Variants in SORCS1 observed in about 807,000 individuals in gnomAD.
The protein encoded by SORCS1 is VPS10 domain-containing receptor SorCS1.
A neutral mutation model predicts 146.1 loss-of-function variants in SORCS1; 60 were observed. The ratio of observed to expected loss-of-function variants is 0.41; its 90% CI spans 0.33 to 0.51. The LOEUF (loss-of-function observed/expected upper bound fraction) is 0.51. SORCS1 is among the 20% of genes least tolerant of loss of function. SORCS1 has a pLI of 0.21. For missense variants in SORCS1, 1,352 were observed against 1,487.6 expected (o/e 0.91, Z 1.50); for synonymous variants, 637 against 584.0 (o/e 1.09, Z -1.31).
At chr10:107,167,717 C>T (rs1043427321), upstream of SORCS1, among the ~76,000 whole-genome samples, 7 of 151,848 alleles carry the variant, frequency 4.6e-5, no homozygotes, top group Non-Finnish European at 8.8e-5. Context: ...AAAATTTAGC[C>T]TTGCTAAAAT....
In SORCS1 at chr10:106,577,469, G is replaced by A. The variant is rs751568574; in HGVS notation, c.3458C>T (p.Pro1153Leu). The A allele has an allele frequency of 3.7e-6, 6 of 1,614,012 alleles. No homozygotes were observed. Among genetic ancestry groups the A allele is most frequent in the Non-Finnish European group, 4.2e-6 (5 of 1,179,946 alleles). The change falls in exon 26 of 26, where the codon CCG (proline) becomes CTG (leucine). Residue 1153 changes from proline (P) to leucine (L), a missense_variant. This residue lies in a region of SORCS1 where 214 missense variants were observed against 204.8 expected (regional missense o/e 1.05). Transcript: ENST00000263054. ...LRLQRARHAT[P>L]PSTPKRGSAG... ...AGATCCCCGCTTTGGCGTTGAAGGC[G>A]GAGTGGCGTGTCTTGCTCTTTGCAA...
chr10:106,631,852 C>A (rs187608590), intron 18 of SORCS1, among the ~76,000 whole-genome samples: 3 of 152,242 alleles, frequency 2.0e-5, no homozygotes, highest in Admixed American at 6.5e-5. Context: ...TGGATCAAGA[C>A]CAGTTACATA....
intron 3 of SORCS1, among the ~76,000 whole-genome samples, chr10:106,777,457 T>C (rs1453064541): frequency 6.6e-6 from 1 of 152,164 alleles, no homozygotes; most frequent in African/African-American, 2.4e-5. Flanking sequence ...AATGAATAAA[T>C]GAATGCATAG....
At chr10:106,597,649 T>C (rs1282327421) in intron 23 of SORCS1, among the ~76,000 whole-genome samples, 199 bp from the exon 24 acceptor site, 2 of 152,246 alleles carry the variant, frequency 1.3e-5, no homozygotes, top group African/African-American at 4.8e-5. Flanking sequence ...CTTTACGTGC[T>C]AATTGCAACA....
intron 19 of SORCS1, among the ~76,000 whole-genome samples, chr10:106,623,023 G>T (rs999305540): frequency 6.6e-6 from 1 of 152,148 alleles, no homozygotes; most frequent in Admixed American, 6.5e-5. Context: ...GTTCCAGCAA[G>T]CCATGTCCTG....
chr10:107,173,401 G>A, the SORCS1 span, among the ~76,000 whole-genome samples: 9 of 152,230 alleles, frequency 5.9e-5, no homozygotes, highest in South Asian at 1.5e-3. Context: ...AAAAAAAGTA[G>A]GGGAAGGAGG....
At chr10:106,599,398 A>G (rs1168681692) in intron 23 of SORCS1, among the ~76,000 whole-genome samples, 1 of 150,722 alleles carries the variant, frequency 6.6e-6, no homozygotes, top group Non-Finnish European at 1.5e-5. Flanking sequence ...GAGGAGGAGA[A>G]GGAAGGGGAG....
At chr10:106,703,681 T>C (rs190171692) in intron 8 of SORCS1, among the ~76,000 whole-genome samples, 1 of 152,350 alleles carries the variant, frequency 6.6e-6, no homozygotes, top group Non-Finnish European at 1.5e-5. Context: ...TGCTGGTTTG[T>C]CTCAATTCCT....
At chr10:106,867,925 A>C (rs542943147) in intron 2 of SORCS1, among the ~76,000 whole-genome samples, 4 of 152,234 alleles carry the variant, frequency 2.6e-5, no homozygotes, top group Non-Finnish European at 5.9e-5. Flanking sequence ...AGCTGGATGA[A>C]AAAGCAAGAT....
At chr10:106,878,161 A>G (rs996165783) in intron 2 of SORCS1, among the ~76,000 whole-genome samples, 2 of 121,228 alleles carry the variant, frequency 1.6e-5, no homozygotes, top group Admixed American at 8.3e-5. Flanking sequence ...AAGAGCAGAC[A>G]GGGCTTTTTT....
intron 8 of SORCS1, among the ~76,000 whole-genome samples, chr10:106,704,881 A>G (rs1854405057): frequency 6.6e-6 from 1 of 152,166 alleles, no homozygotes. Context: ...TAGTCAATCA[A>G]AGAAACAACA....
chr10:106,989,806 C>T (rs1478402724), intron 1 of SORCS1, among the ~76,000 whole-genome samples: 2 of 150,922 alleles, frequency 1.3e-5, no homozygotes, highest in African/African-American at 4.9e-5. Context: ...CCCACCTCAG[C>T]CTCCCGAGTG....
intron 3 of SORCS1, among the ~76,000 whole-genome samples, chr10:106,802,238 T>C (rs1251039778): frequency 1.3e-5 from 2 of 152,116 alleles, no homozygotes; most frequent in Non-Finnish European, 2.9e-5. Context: ...GAAAGTATTA[T>C]GAGAGTGATA....
chr10:107,128,975 T>C (rs1186783167), intron 1 of SORCS1, among the ~76,000 whole-genome samples: 1 of 152,192 alleles, frequency 6.6e-6, no homozygotes, highest in African/African-American at 2.4e-5. Flanking sequence ...TCTGAAGTCC[T>C]TTTAAACCAA....
At chr10:106,970,202 G>A (rs4918274) in intron 1 of SORCS1, 30,244 of 152,024 alleles carry the variant, frequency 0.2, 3,581 homozygotes, top group Middle Eastern at 0.32. Context: ...ATTCAATGCG[G>A]AATACCTTGG....
chr10:106,678,302 T>G (rs1465502094), intron 12 of SORCS1, among the ~76,000 whole-genome samples: 1 of 152,182 alleles, frequency 6.6e-6, no homozygotes, highest in Non-Finnish European at 1.5e-5. Context: ...CTTAGAATAG[T>G]CCAGGTTTCT....
At chr10:106,946,087 C>A (rs944097183) in intron 2 of SORCS1, among the ~76,000 whole-genome samples, 1 of 152,104 alleles carries the variant, frequency 6.6e-6, no homozygotes, top group Non-Finnish European at 1.5e-5. Context: ...CTCGAGGTCA[C>A]GTAGCACATT....
chr10:107,093,384 G>A (rs1465385015), intron 1 of SORCS1, among the ~76,000 whole-genome samples: 3 of 152,022 alleles, frequency 2.0e-5, no homozygotes, highest in African/African-American at 7.2e-5. Context: ...CTTACAAAGC[G>A]AGTCTTTCGG....
intron 21 of SORCS1, among the ~76,000 whole-genome samples, chr10:106,613,439 G>A (rs1317070221): frequency 6.6e-6 from 1 of 152,180 alleles, no homozygotes; most frequent in African/African-American, 2.4e-5. Context: ...AGCCAAAGTC[G>A]CTGGCAGAGG....
Sources: allele counts gnomAD v4.1 joint callset (sites outside exome capture counted in the v4.1 genomes callset), GRCh38; gene constraint gnomAD v4.1.1; regional missense constraint gnomAD v4.1.1; transcripts MANE v1.5; gene names NCBI Gene and HGNC (gene_info 2026-07-23, HGNC 2026-07-21).